Variants in NXNL2 observed in about 807,000 individuals in gnomAD.
The protein encoded by NXNL2 is nucleoredoxin-like protein 2.
In NXNL2, 7 loss-of-function variants were observed where a neutral mutation model predicts 11.1. That is an observed-to-expected ratio of 0.63 (90% CI 0.36 to 1.18). The LOEUF is 1.18. Among genes scored for constraint, NXNL2 ranks in the 50% most tolerant of loss-of-function variants. The pLI, the probability that NXNL2 is intolerant of heterozygous loss-of-function variation, is 0.02. For synonymous variants in NXNL2, 109 were observed against 101.8 expected (o/e 1.07, Z -0.42); for missense variants, 233 against 217.7 (o/e 1.07, Z -0.44).
downstream of NXNL2, among the ~76,000 whole-genome samples, chr9:88,545,818 G>A (rs1020396211): frequency 2.0e-5 from 3 of 151,952 alleles, no homozygotes; most frequent in Non-Finnish European, 4.4e-5. Flanking sequence ...CCAGCCTGGA[G>A]TGCAATGGCG....
exon 3 of NXNL2, chr9:88,575,318 C>A: frequency 4.5e-6 from 1 of 221,282 alleles, no homozygotes; most frequent in Non-Finnish European, 7.6e-6. Context: ...TTTATTGCAG[C>A]ACTGTTCACA....
chr9:88,565,450 A>G (rs1830155100), intron 1 of NXNL2, among the ~76,000 whole-genome samples: 1 of 152,232 alleles, frequency 6.6e-6, no homozygotes, highest in African/African-American at 2.4e-5. Flanking sequence ...TGTTTTCCAT[A>G]GCAGCTGCAT....
chr9:88,544,258 TG>T, intron 1 of NXNL2, 120 bp from the exon 2 acceptor site: 1 of 729,800 alleles, frequency 1.4e-6, no homozygotes, highest in Non-Finnish European at 2.3e-6. Flanking sequence ...AGGAGCAGGC[TG>T]GGTGGGGCAC....
chr9:88,541,551 G>C (rs1829762336), intron 1 of NXNL2, among the ~76,000 whole-genome samples: 1 of 152,190 alleles, frequency 6.6e-6, no homozygotes, highest in Non-Finnish European at 1.5e-5. Context: ...GTGAGCCACT[G>C]TGCCCAGGCT....
intron 1 of NXNL2, among the ~76,000 whole-genome samples, chr9:88,557,386 C>A (rs1830031769): frequency 6.6e-6 from 1 of 151,986 alleles, no homozygotes; most frequent in East Asian, 1.9e-4. Flanking sequence ...TCAAATTTTC[C>A]AAATTTTCCT....
At chr9:88,536,450 ATTGT>A (rs1211950495) in intron 1 of NXNL2, among the ~76,000 whole-genome samples, 3 of 151,950 alleles carry the variant, frequency 2.0e-5, no homozygotes, top group Non-Finnish European at 4.4e-5. Flanking sequence ...ACAGGGATTG[ATTGT>A]TCTGCTTTTG....
chr9:88,540,711 C>T (rs555401242), intron 1 of NXNL2, among the ~76,000 whole-genome samples: 1 of 141,730 alleles, frequency 7.1e-6, no homozygotes, highest in Admixed American at 7.1e-5. Flanking sequence ...CATTGGACAC[C>T]ACAGGGAGCA....
chr9:88,581,708 G>C (rs1830410512), intron 1 of NXNL2, among the ~76,000 whole-genome samples: 1 of 152,118 alleles, frequency 6.6e-6, no homozygotes, highest in South Asian at 2.1e-4. Flanking sequence ...CGCCCACCTC[G>C]GCCTCCCAAA....
chr9:88,560,363 C>A (rs191509057), intron 1 of NXNL2, among the ~76,000 whole-genome samples: 7 of 151,828 alleles, frequency 4.6e-5, no homozygotes, highest in African/African-American at 1.7e-4. Flanking sequence ...AAGGCTGACA[C>A]CCCCACAAGG....
At chr9:88,548,024 A>G (rs1338134422), downstream of NXNL2, among the ~76,000 whole-genome samples, 2 of 148,546 alleles carry the variant, frequency 1.3e-5, no homozygotes, top group East Asian at 4.0e-4. Flanking sequence ...TCTTAAAAAA[A>G]AAATAAAGAA....
At chr9:88,551,526 A>G (rs1019363416) in intron 1 of NXNL2, among the ~76,000 whole-genome samples, 1 of 151,532 alleles carries the variant, frequency 6.6e-6, no homozygotes, top group Non-Finnish European at 1.5e-5. Flanking sequence ...TCTCTCTTTC[A>G]TGGCATTCTG....
intron 1 of NXNL2, among the ~76,000 whole-genome samples, chr9:88,564,273 TC>T (rs1328043051): frequency 5.5e-4 from 70 of 126,866 alleles, no homozygotes; most frequent in African/African-American, 1.7e-3. Flanking sequence ...TATCTGTCTA[TC>T]TATCTATCTA....
At chr9:88,579,028 C>T (rs1830379958), downstream of NXNL2, among the ~76,000 whole-genome samples, 4 of 152,176 alleles carry the variant, frequency 2.6e-5, no homozygotes, top group South Asian at 8.3e-4. Flanking sequence ...AGGAAAGTCT[C>T]GATTTCTTGC....
At chr9:88,557,943 C>T (rs574787876) in intron 1 of NXNL2, among the ~76,000 whole-genome samples, 3 of 152,290 alleles carry the variant, frequency 2.0e-5, no homozygotes, top group Non-Finnish European at 2.9e-5. Flanking sequence ...TCACTGAGAA[C>T]GTGTTCAGTG....
At chr9:88,557,749 G>T (rs1447779358) in intron 1 of NXNL2, among the ~76,000 whole-genome samples, 1 of 152,200 alleles carries the variant, frequency 6.6e-6, no homozygotes, top group Non-Finnish European at 1.5e-5. Flanking sequence ...CAGCCAACCA[G>T]CAGCCACTCA....
At chr9:88,543,121 C>T (rs1587842530) in intron 1 of NXNL2, among the ~76,000 whole-genome samples, 1 of 152,282 alleles carries the variant, frequency 6.6e-6, no homozygotes, top group East Asian at 1.9e-4. Flanking sequence ...AAAGACCACT[C>T]ATCAGGTTAT....
chr9:88,540,879 G>T (rs1003185322), intron 1 of NXNL2, among the ~76,000 whole-genome samples: 3 of 150,356 alleles, frequency 2.0e-5, no homozygotes, highest in African/African-American at 7.4e-5. Flanking sequence ...GACCAGGTTG[G>T]CCTCATTTTT....
At chr9:88,566,131 A>G (rs1332662095) in intron 1 of NXNL2, among the ~76,000 whole-genome samples, 3 of 152,052 alleles carry the variant, frequency 2.0e-5, no homozygotes, top group South Asian at 2.1e-4. Context: ...CTCCCATTGC[A>G]TAGGTTGCCT....
chr9:88,551,999 G>C (rs1421574581), intron 1 of NXNL2, among the ~76,000 whole-genome samples: 2 of 152,190 alleles, frequency 1.3e-5, no homozygotes, highest in Non-Finnish European at 2.9e-5. Flanking sequence ...GTGGAGGTGG[G>C]AGGGAGCCTG....
Sources: gnomAD v4.1 joint callset for allele counts (sites outside exome capture counted in the v4.1 genomes callset) on GRCh38, gnomAD v4.1.1 for gene constraint, MANE v1.5 for transcripts, NCBI Gene and HGNC (gene_info 2026-07-23, HGNC 2026-07-21) for gene names.